The following ZXDC variants were observed in gnomAD, a reference collection of about 807,000 sequenced individuals.
The protein encoded by ZXDC is zinc finger protein ZXDC.
In ZXDC, 58 loss-of-function variants were observed where a neutral mutation model predicts 63.6. That is an observed-to-expected ratio of 0.91 (90% CI 0.74 to 1.13). The LOEUF is 1.13. Among genes scored for constraint, ZXDC ranks in the 50% most tolerant of loss-of-function variants. The probability of loss-of-function intolerance (pLI) is 0.00; values close to 1 mark genes in which losing one functional copy is unlikely to be tolerated. For missense variants in ZXDC, 1,133 were observed against 1,148.9 expected, an observed-to-expected ratio of 0.99 and a Z score of 0.20; for synonymous variants, 561 against 496.1, an observed-to-expected ratio of 1.13 and a Z score of -1.74.
Position 126,466,327 on chromosome 3 carries a change from T to C in ZXDC, c.1271-2A>G. The C allele has an allele frequency of 6.2e-7, 1 of 1,613,998 alleles. No individual in the cohort carries two copies. Among genetic ancestry groups the C allele is most frequent in the Non-Finnish European group, 8.5e-7 (1 of 1,179,984 alleles). ...GAGCGGAGAACCTCGCGCAACATCCTGGAACAAAAAGAGTAATGAGAGTGA... is the reference window on the plus strand; with the variant it reads ...GAGCGGAGAACCTCGCGCAACATCCCGGAACAAAAAGAGTAATGAGAGTGA... On this transcript the variant is annotated splice_acceptor_variant, in intron 4 of 9. Coordinates refer to ENST00000389709, the MANE Select transcript of ZXDC (RefSeq NM_025112.5). LOFTEE classifies it high-confidence loss of function.
rs186653458 is a variant in ZXDC, at chr3:126,454,264, T to A, written c.2212+5389A>T. 7,204 of 984,962 alleles carry A rather than the reference T, an allele frequency of 7.3e-3. 38 individuals carry two copies. Among genetic ancestry groups the A allele is most frequent in the Non-Finnish European group, 8.1e-3 (6,686 of 829,526 alleles). 61.0% of individuals were successfully genotyped at this position (984,962 alleles called of 1,614,324 possible). A position where few individuals can be genotyped will look rare whatever the true frequency, so the allele number is the denominator to read the frequency against. The stretch of plus-strand genomic sequence containing the variant: ...TAATCACTTTCAAACTGCTAGTTTC[T>A]ATACATTCAATTATCTGAGATTTCT... On this transcript the variant is annotated intron_variant, in intron 7 of 9. Coordinates refer to ENST00000389709, the MANE Select transcript of ZXDC (RefSeq NM_025112.5).
Position 126,475,145 on chromosome 3 carries a change from G to T in ZXDC, c.721C>A (p.Pro241Thr), listed in dbSNP as rs1052450690. ...SHDKLRPFGC[P>T]VGGCGKKFTT... Reference sequence around the variant, plus strand: ...AACTTCTTGCCACAGCCGCCCACTGGACAGCCGAAGGGCCGCAGCTTGTCG... The same window carrying T: ...AACTTCTTGCCACAGCCGCCCACTGTACAGCCGAAGGGCCGCAGCTTGTCG... The change falls in exon 1 of 10, where the codon CCA becomes ACA. Residue 241 changes from proline (P) to threonine (T), a missense_variant. Pro to Thr is a conservative substitution (Grantham distance 38, BLOSUM62 -1). Coordinates refer to ENST00000389709, the MANE Select transcript of ZXDC (RefSeq NM_025112.5). 6.8e-6 allele frequency: 11 copies of T among 1,608,596 alleles called. No individual in the cohort carries two copies. Among genetic ancestry groups the T allele is most frequent in the African/African-American group, 6.7e-5 (5 of 74,786 alleles).
chr3:126,453,156 T>A lies in ZXDC; in HGVS notation c.2212+6497A>T, dbSNP rs532540626. The A allele has an allele frequency of 9.1e-6, 9 of 985,472 alleles. No homozygotes were observed. In the African/African-American group the frequency reaches 1.6e-4, roughly 17 times the overall value. The allele number at this position is 985,472 out of a possible 1,614,324, so 61.0% of individuals were successfully genotyped here. On this transcript the variant is annotated intron_variant, in intron 7 of 9. Transcript: ENST00000389709. ...ATTCATATTCTTATTTCTGAATGAT[T>A]ACTTGTTTTCCTAGAAAACTCTGCA...
intron 8 of ZXDC, chr3:126,440,274 C>T (rs535179890): frequency 1.9e-5 from 19 of 988,920 alleles, no homozygotes; most frequent in South Asian, 4.6e-5. Flanking sequence ...CCTGCATGTC[C>T]GCCCATGGCC....
At chr3:126,471,228 G>C (rs2107658496) in intron 3 of ZXDC, among the ~76,000 whole-genome samples, 1 of 152,280 alleles carries the variant, frequency 6.6e-6, no homozygotes. Context: ...TAATGACTAA[G>C]CTGACCCCAG....
intron 7 of ZXDC, chr3:126,453,646 A>T (rs1213740183): frequency 6.1e-6 from 6 of 985,342 alleles, no homozygotes; most frequent in Non-Finnish European, 7.2e-6. Flanking sequence ...GCTCAAACTT[A>T]TAAACACATG....
chr3:126,473,643 TTC>T (rs1309671832), intron 1 of ZXDC, among the ~76,000 whole-genome samples: 1 of 152,236 alleles, frequency 6.6e-6, no homozygotes, highest in Non-Finnish European at 1.5e-5. Context: ...TCAAGCCACA[TTC>T]TCTCTGAAGA....
In ZXDC at chr3:126,470,910, C is replaced by T. The variant is rs768117795; in HGVS notation, c.1255G>A (p.Glu419Lys). ...SITHLGTKPF[E>K]CPVEGCCARF... ...TAAAATCTACCTTCCACAGGACACTCGAACGGCTTTGTGCCTAGGTGGGTT... is the reference window on the plus strand; with the variant it reads ...TAAAATCTACCTTCCACAGGACACTTGAACGGCTTTGTGCCTAGGTGGGTT... The change falls in exon 4 of 10, where the codon GAG becomes AAG. Residue 419 changes from glutamate to lysine, a missense_variant. Glu to Lys is a moderately conservative substitution (Grantham distance 56, BLOSUM62 1). Transcript: ENST00000389709. 1.2e-6 allele frequency: 2 copies of T among 1,614,088 alleles called. No individual in the cohort carries two copies. The highest frequency in any genetic ancestry group is 1.3e-5 in the African/African-American group (1 of 74,924).
rs575115989 is a variant in ZXDC at position 126,460,421 on chromosome 3, T to C, written c.2128-684A>G. 5 of 968,286 alleles carry C rather than the reference T, an allele frequency of 5.2e-6. No individual in the cohort carries two copies. In the South Asian group the frequency reaches 2.4e-4, roughly 46 times the overall value. The allele number at this position is 968,286 out of a possible 1,614,324, so 60.0% of individuals were successfully genotyped here. A position where few individuals can be genotyped will look rare whatever the true frequency, so the allele number is the denominator to read the frequency against. The stretch of plus-strand genomic sequence containing the variant: ...ACCATTTGTACTCAGAGAAGCGAGG[T>C]AGCCCAACGTCACACAGCTAGCAAG... On this transcript the variant is annotated intron_variant, in intron 6 of 9. Coordinates refer to ENST00000389709, the MANE Select transcript of ZXDC (RefSeq NM_025112.5).
chr3:126,459,740 G>A lies in ZXDC; in HGVS notation c.2128-3C>T. On this transcript the variant is annotated splice_polypyrimidine_tract_variant and splice_region_variant and intron_variant, in intron 6 of 9. Coordinates refer to ENST00000389709, the MANE Select transcript of ZXDC (RefSeq NM_025112.5). ...GTTCTTGCTGAGCCCCCACTTTCCT[G>A]AGACCAAAGAAAAGCATGTCAGTCA... The A allele has an allele frequency of 6.2e-7, 1 of 1,614,132 alleles. No homozygotes were observed.
In ZXDC at chr3:126,466,446, GGACA is replaced by G. The variant is rs1450867149; in HGVS notation, c.1271-125_1271-122del. On this transcript the variant is annotated intron_variant, in intron 4 of 9. Coordinates refer to ENST00000389709, the MANE Select transcript of ZXDC (RefSeq NM_025112.5). The stretch of plus-strand genomic sequence containing the variant: ...CATTTTGCACCCTGGCTACTGGCAA[GGACA>G]GAGACCAAATATCTCTAGAAGTAGC... 3.9e-6 allele frequency: 4 copies of G among 1,023,610 alleles called. No homozygotes were observed. In the African/African-American group the frequency reaches 6.4e-5, roughly 17 times the overall value. 63.4% of individuals were successfully genotyped at this position (1,023,610 alleles called of 1,614,324 possible). A position where few individuals can be genotyped will look rare whatever the true frequency, so the allele number is the denominator to read the frequency against.
At chr3:126,456,436 CCAA>C (rs902094922) in intron 7 of ZXDC, among the ~76,000 whole-genome samples, 15 of 152,206 alleles carry the variant, frequency 9.9e-5, no homozygotes, top group Admixed American at 9.2e-4. Context: ...CAACTGAGAC[CCAA>C]CAAAACTCCA....
At chr3:126,466,512 A>C (rs1303233244) in intron 4 of ZXDC, among the ~76,000 whole-genome samples, 187 bp from the exon 5 acceptor site, 1 of 152,236 alleles carries the variant, frequency 6.6e-6, no homozygotes, top group Non-Finnish European at 1.5e-5. Context: ...AACTGTTTTT[A>C]AAAAGCAAGA....
chr3:126,453,473 C>T, intron 7 of ZXDC: 1 of 985,456 alleles, frequency 1.0e-6, no homozygotes. Flanking sequence ...GTTTTGGCTA[C>T]ATCCCTTGTG....
At chr3:126,454,431 C>A in intron 7 of ZXDC, 1 of 985,350 alleles carries the variant, frequency 1.0e-6, no homozygotes, top group Non-Finnish European at 1.2e-6. Context: ...ATGCTTTTTC[C>A]TTGAATTCTG....
At chr3:126,473,126 C>A (rs1006384639) in intron 1 of ZXDC, among the ~76,000 whole-genome samples, 5 of 152,216 alleles carry the variant, frequency 3.3e-5, no homozygotes, top group Admixed American at 2.0e-4. Context: ...CCAGCAACAT[C>A]TAACTCAGAA....
At chr3:126,458,992 T>C (rs1371516482) in intron 7 of ZXDC, 1 of 981,298 alleles carries the variant, frequency 1.0e-6, no homozygotes, top group Non-Finnish European at 1.2e-6. Flanking sequence ...ATATCAACCC[T>C]TTTAGATAAA....
chr3:126,462,083 C>T lies in ZXDC; in HGVS notation c.1579G>A (p.Gly527Ser). The stretch of plus-strand genomic sequence containing the variant: ...GAGTTCAGAGCCTCATCCGACCCAC[C>T]TGCAGAACCACTAGCATTGGCAGGT... The part of the protein sequence containing the change: ...DTPANASGSA[G>S]GSDEALNSGI... Residue 527 changes from glycine (G) to serine (S), a missense_variant, in exon 6 of 10, where the codon GGT becomes AGT. By Grantham distance (56) the Gly-to-Ser change is moderately conservative. Transcript: ENST00000389709. 1.2e-6 allele frequency: 2 copies of T among 1,614,132 alleles called. No individual in the cohort carries two copies.
chr3:126,472,956 A>G (rs925220630), intron 1 of ZXDC, among the ~76,000 whole-genome samples: 1 of 152,218 alleles, frequency 6.6e-6, no homozygotes, highest in East Asian at 1.9e-4. Flanking sequence ...CAGGGCTCCA[A>G]CAGGGTGGAA....
Sources: allele counts gnomAD v4.1 joint callset (sites outside exome capture counted in the v4.1 genomes callset), GRCh38; gene constraint gnomAD v4.1.1; transcripts MANE v1.5; gene names NCBI Gene and HGNC (gene_info 2026-07-23, HGNC 2026-07-21).